The following GALNT13 variants were observed in gnomAD, a reference collection of about 807,000 sequenced individuals.
GALNT13 encodes the protein polypeptide N-acetylgalactosaminyltransferase 13, also known as UDP-GalNAc:polypeptide N-acetylgalactosaminyltransferase 13.
In GALNT13, 28 loss-of-function variants were observed where a neutral mutation model predicts 64.2. The observed-to-expected ratio is 0.44, with a 90% CI of 0.32 to 0.60. The LOEUF is 0.60. Among genes scored for constraint, GALNT13 ranks in the 20% least tolerant of loss-of-function variants. The pLI is 0.05. For synonymous variants in GALNT13, 214 were observed against 224.6 expected (o/e 0.95, Z 0.42); for missense variants, 577 against 669.8 (o/e 0.86, Z 1.53).
At chr2:153,853,140 C>G in the GALNT13 span, among the ~76,000 whole-genome samples, 1 of 152,078 alleles carries the variant, frequency 6.6e-6, no homozygotes, top group Non-Finnish European at 1.5e-5. Context: ...GCATCTAGCA[C>G]GAGAGAATGA....
At chr2:153,995,636 A>C (rs1695473081) in intron 3 of GALNT13, among the ~76,000 whole-genome samples, 1 of 152,004 alleles carries the variant, frequency 6.6e-6, no homozygotes, top group South Asian at 2.1e-4. Context: ...CTATCCCTCA[A>C]TGTCTATCCC....
chr2:153,615,372 T>G, the GALNT13 span, among the ~76,000 whole-genome samples: 2 of 152,188 alleles, frequency 1.3e-5, no homozygotes, highest in East Asian at 3.9e-4. Flanking sequence ...TTGATTTCCT[T>G]TATTTTCGTT....
At chr2:154,239,799 A>G (rs546736004) in intron 4 of GALNT13, among the ~76,000 whole-genome samples, 1 of 152,298 alleles carries the variant, frequency 6.6e-6, no homozygotes, top group Admixed American at 6.5e-5. Flanking sequence ...AGCTGGCTAT[A>G]TTGCAGAAGA....
At chr2:154,364,708 C>G (rs1697267357) in intron 9 of GALNT13, among the ~76,000 whole-genome samples, 1 of 151,916 alleles carries the variant, frequency 6.6e-6, no homozygotes, top group Non-Finnish European at 1.5e-5. Flanking sequence ...GTCTCACTCT[C>G]TCTCCCGGGC....
the GALNT13 span, among the ~76,000 whole-genome samples, chr2:153,714,371 G>A: frequency 6.6e-6 from 1 of 152,284 alleles, no homozygotes; most frequent in East Asian, 1.9e-4. Flanking sequence ...CAATAGGCAT[G>A]TATATGGGTA....
chr2:153,757,326 A>C, the GALNT13 span, among the ~76,000 whole-genome samples: 1 of 152,098 alleles, frequency 6.6e-6, no homozygotes, highest in Non-Finnish European at 1.5e-5. Flanking sequence ...ACACTCATAT[A>C]TGTTGTTGCA....
the GALNT13 span, among the ~76,000 whole-genome samples, chr2:153,335,367 T>C: frequency 6.6e-6 from 1 of 152,222 alleles, no homozygotes; most frequent in Non-Finnish European, 1.5e-5. Context: ...TGAAACTTTC[T>C]ACAGACTTGT....
chr2:153,746,172 T>C, the GALNT13 span, among the ~76,000 whole-genome samples: 6 of 152,174 alleles, frequency 3.9e-5, no homozygotes, highest in African/African-American at 1.4e-4. Flanking sequence ...ATATCACAAG[T>C]GTACAGCTCA....
At chr2:153,508,981 A>T in the GALNT13 span, among the ~76,000 whole-genome samples, 1 of 152,190 alleles carries the variant, frequency 6.6e-6, no homozygotes, top group African/African-American at 2.4e-5. Context: ...GAAACAGACA[A>T]AGAAGTTGTC....
chr2:154,244,950 G>A (rs1390153644), intron 6 of GALNT13, among the ~76,000 whole-genome samples: 1 of 151,766 alleles, frequency 6.6e-6, no homozygotes, highest in Non-Finnish European at 1.5e-5. Flanking sequence ...GTGAAACTCT[G>A]TCTCTGCTAA....
chr2:154,190,712 A>G (rs1429646870), intron 4 of GALNT13, among the ~76,000 whole-genome samples: 2 of 152,228 alleles, frequency 1.3e-5, no homozygotes, highest in Non-Finnish European at 1.5e-5. Context: ...TGAAAATTCA[A>G]ATAGTGCAAA....
At chr2:153,609,487 A>C in the GALNT13 span, among the ~76,000 whole-genome samples, 1 of 152,106 alleles carries the variant, frequency 6.6e-6, no homozygotes, top group Non-Finnish European at 1.5e-5. Context: ...TCTCTGCTTA[A>C]AAGTAACTTT....
chr2:153,614,392 G>A, the GALNT13 span, among the ~76,000 whole-genome samples: 910 of 151,970 alleles, frequency 6.0e-3, 8 homozygotes, highest in African/African-American at 0.02. Context: ...ATGACTTGCC[G>A]TTATAATTAT....
the GALNT13 span, among the ~76,000 whole-genome samples, chr2:153,647,483 G>A: frequency 1.3e-5 from 2 of 152,254 alleles, no homozygotes; most frequent in Admixed American, 1.3e-4. Flanking sequence ...GATCCCATTT[G>A]TCAATTTTGG....
At chr2:153,460,271 ATAATTT>A in the GALNT13 span, among the ~76,000 whole-genome samples, 1 of 152,176 alleles carries the variant, frequency 6.6e-6, no homozygotes, top group Admixed American at 6.5e-5. Flanking sequence ...ACCATATAGT[ATAATTT>A]TATTTTTAGT....
the GALNT13 span, among the ~76,000 whole-genome samples, chr2:153,309,527 A>G: frequency 1.9e-5 from 1 of 51,762 alleles, no homozygotes; most frequent in Admixed American, 1.4e-4. Context: ...TTCTTGAAGC[A>G]CTTTTTTTTT....
the GALNT13 span, among the ~76,000 whole-genome samples, chr2:153,265,692 T>C: frequency 2.0e-5 from 3 of 152,150 alleles, no homozygotes; most frequent in Admixed American, 1.3e-4. Flanking sequence ...TGTAGATAAA[T>C]GTTCATTTTG....
the GALNT13 span, among the ~76,000 whole-genome samples, chr2:153,583,494 A>G: frequency 6.6e-6 from 1 of 152,202 alleles, no homozygotes; most frequent in African/African-American, 2.4e-5. Flanking sequence ...AAGAAAGAAA[A>G]CAAGCAGCTT....
the GALNT13 span, among the ~76,000 whole-genome samples, chr2:153,411,032 T>G: frequency 6.6e-6 from 1 of 152,016 alleles, no homozygotes; most frequent in African/African-American, 2.4e-5. Flanking sequence ...GCCCAGCTAA[T>G]TTTTGTAGAG....
Sources: allele counts gnomAD v4.1 joint callset (sites outside exome capture counted in the v4.1 genomes callset), GRCh38; gene constraint gnomAD v4.1.1; transcripts MANE v1.5; gene names NCBI Gene and HGNC (gene_info 2026-07-23, HGNC 2026-07-21).